TRIM61: variants seen among roughly 807,000 people sequenced by gnomAD.
The protein encoded by TRIM61 is putative tripartite motif-containing protein 61.
A neutral mutation model predicts 14.2 loss-of-function variants in TRIM61; 1 was observed. The observed-to-expected ratio is 0.07, with a 90% CI of 0.03 to 0.33. The LOEUF is 0.33. Ranked by LOEUF, TRIM61 falls within the 10% of genes least tolerant of loss-of-function variation. TRIM61 has a pLI of 0.99. For missense variants in TRIM61, 19 were observed against 202.2 expected, an observed-to-expected ratio of 0.09 and a Z score of 5.49; for synonymous variants, 8 against 71.6, an observed-to-expected ratio of 0.11 and a Z score of 4.49.
intron 2 of TRIM61, among the ~76,000 whole-genome samples, chr4:164,972,320 T>C (rs1326394872): frequency 4.6e-5 from 7 of 152,250 alleles, no homozygotes; most frequent in Non-Finnish European, 1.0e-4. Context: ...ATGTAAGTTG[T>C]AGCTAATTCT....
intron 2 of TRIM61, among the ~76,000 whole-genome samples, chr4:164,974,049 A>T (rs751327001): frequency 6.6e-6 from 1 of 152,234 alleles, no homozygotes; most frequent in Non-Finnish European, 1.5e-5. Context: ...GCATGCCAGT[A>T]ATTCCAGCTA....
At chr4:164,969,094 T>A in intron 3 of TRIM61, 1 of 1,097,152 alleles carries the variant, frequency 9.1e-7, no homozygotes, top group Non-Finnish European at 1.1e-6. Flanking sequence ...TACGATGTGC[T>A]GTTTCAGGAT....
At chr4:164,973,445 T>C (rs570448657) in intron 2 of TRIM61, among the ~76,000 whole-genome samples, 1 of 152,346 alleles carries the variant, frequency 6.6e-6, no homozygotes, top group South Asian at 2.1e-4. Context: ...TGTTCATATT[T>C]AATAATGTAT....
chr4:164,968,334 C>T (rs1270590335), intron 3 of TRIM61: 2 of 964,940 alleles, frequency 2.1e-6, no homozygotes, highest in Non-Finnish European at 2.5e-6. Context: ...AATAGATTTT[C>T]TTACATAATA....
In TRIM61 at chr4:164,954,698, AG is replaced by A. The variant is rs1406714454; in HGVS notation, c.*86del. ...TGGTTGGCAGCATGGCTATAATCCC[AG>A]CACTTTGGGAGGTCAAGGCAGGAAG... On this transcript the variant is annotated 3_prime_UTR_variant, in exon 5 of 5. Coordinates refer to ENST00000329314, the MANE Select transcript of TRIM61 (RefSeq NM_001012414.3). 3.3e-5 allele frequency: 5 copies of A among 153,282 alleles called. No homozygotes were observed. Among genetic ancestry groups the A allele is most frequent in the African/African-American group, 9.6e-5 (4 of 41,468 alleles). The allele number at this position is 153,282 out of a possible 1,614,324, so 9.5% of individuals were successfully genotyped here.
intron 3 of TRIM61, among the ~76,000 whole-genome samples, chr4:164,966,063 A>T (rs1230934510): frequency 6.6e-6 from 1 of 152,212 alleles, no homozygotes; most frequent in Non-Finnish European, 1.5e-5. Flanking sequence ...TAGTGAACAA[A>T]TGTGCCTGTG....
At chr4:164,955,406 T>C (rs1731961097) in intron 3 of TRIM61, among the ~76,000 whole-genome samples, 1 of 151,870 alleles carries the variant, frequency 6.6e-6, no homozygotes, top group African/African-American at 2.4e-5. Flanking sequence ...TCCTATGTTT[T>C]AAAAAATTTT....
chr4:164,963,887 G>A (rs9991678), intron 3 of TRIM61, among the ~76,000 whole-genome samples: 84,479 of 151,892 alleles, frequency 0.56, 24,509 homozygotes, highest in East Asian at 0.7. Context: ...GTCAAAGAGT[G>A]AGTCTCAGGG....
chr4:164,970,471 G>A, intron 2 of TRIM61, 132 bp from the exon 3 acceptor site: 1 of 172,544 alleles, frequency 5.8e-6, no homozygotes, highest in Non-Finnish European at 1.2e-5. Flanking sequence ...TCATATTGCA[G>A]AGATTCACGC....
In TRIM61 at chr4:164,970,720, A is replaced by G. The variant is rs367657965; in HGVS notation, c.-337-381T>C. On this transcript the variant is annotated intron_variant, in intron 2 of 4. Transcript: ENST00000329314. Reference sequence around the variant, plus strand: ...TTAAAAAAAAAGGTTTCTACATTTAAGGAGAGGAAACAAACATGATAAATA... The same window carrying G: ...TTAAAAAAAAAGGTTTCTACATTTAGGGAGAGGAAACAAACATGATAAATA... Among the ~76,000 whole-genome samples the G allele has an allele frequency of 4.6e-5, 7 of 152,222 alleles. No individual in the cohort carries two copies. In the South Asian group the frequency reaches 1.2e-3, roughly 27 times the overall value.
intron 3 of TRIM61, among the ~76,000 whole-genome samples, chr4:164,966,261 C>T (rs1185694239): frequency 6.6e-6 from 1 of 151,962 alleles, no homozygotes; most frequent in African/African-American, 2.4e-5. Flanking sequence ...ATAGAAAAAG[C>T]AAAAAGGCAA....
At chr4:164,955,946 G>A (rs1731978667) in intron 3 of TRIM61, among the ~76,000 whole-genome samples, 1 of 152,226 alleles carries the variant, frequency 6.6e-6, no homozygotes, top group African/African-American at 2.4e-5. Flanking sequence ...CAGAATCTGA[G>A]AGCCCTGAGG....
chr4:164,969,360 G>C (rs1732309158), intron 3 of TRIM61: 12 of 1,554,770 alleles, frequency 7.7e-6, no homozygotes, highest in Non-Finnish European at 1.0e-5. Context: ...TCATTTAGTT[G>C]TGCTAAAATA....
intron 3 of TRIM61, among the ~76,000 whole-genome samples, chr4:164,956,224 T>C (rs1403352740): frequency 3.3e-5 from 5 of 152,056 alleles, no homozygotes; most frequent in African/African-American, 4.8e-5. Flanking sequence ...GGCCAACATG[T>C]CCGGCTAATT....
At position 164,964,005 on chromosome 4, in the gene TRIM61, T is replaced by C. The variant is rs141729815; in HGVS notation, c.525+5473A>G. Among the ~76,000 whole-genome samples, 829 of 152,030 alleles carry C rather than the reference T, an allele frequency of 5.5e-3. 8 individuals carry two copies. The highest frequency in any genetic ancestry group is 0.044 in the Middle Eastern group (13 of 294). On this transcript the variant is annotated intron_variant, in intron 3 of 4. Coordinates refer to ENST00000329314, the MANE Select transcript of TRIM61 (RefSeq NM_001012414.3). ...GAAATTTATAGAATTAAATTTATAA[T>C]ATATTAGAAAAAAATCTAAAATCAG...
intron 3 of TRIM61, among the ~76,000 whole-genome samples, chr4:164,966,856 G>A (rs1312131791): frequency 1.3e-5 from 2 of 152,130 alleles, no homozygotes; most frequent in Non-Finnish European, 2.9e-5. Flanking sequence ...GGACCCAGGA[G>A]GCGGAGGTTG....
At chr4:164,957,823 A>G (rs11938340) in intron 3 of TRIM61, 4 of 221,406 alleles carry the variant, frequency 1.8e-5, no homozygotes, top group East Asian at 1.2e-4. Context: ...AGAGTAAACT[A>G]TTCACTCAAA....
At chr4:164,972,881 A>G (rs867148519) in intron 2 of TRIM61, among the ~76,000 whole-genome samples, 1 of 152,194 alleles carries the variant, frequency 6.6e-6, no homozygotes, top group African/African-American at 2.4e-5. Flanking sequence ...CAATCTGTTT[A>G]TAACTCCCCA....
At chr4:164,960,534 G>A (rs1010944598) in intron 3 of TRIM61, among the ~76,000 whole-genome samples, 3 of 148,362 alleles carry the variant, frequency 2.0e-5, no homozygotes, top group Non-Finnish European at 3.0e-5. Flanking sequence ...CAATCCGGGC[G>A]ACAGAGTAAG....
Sources: gnomAD v4.1 joint callset for allele counts (sites outside exome capture counted in the v4.1 genomes callset) on GRCh38, gnomAD v4.1.1 for gene constraint, MANE v1.5 for transcripts, NCBI Gene and HGNC (gene_info 2026-07-23, HGNC 2026-07-21) for gene names.